Variants in SNTG1 observed in about 807,000 individuals in gnomAD.
The protein encoded by SNTG1 is gamma-1-syntrophin.
In SNTG1, 39 loss-of-function variants were observed where a neutral mutation model predicts 74.7. The observed-to-expected ratio is 0.52, with a 90% CI of 0.40 to 0.68. The LOEUF is 0.68. Ranked by LOEUF, SNTG1 falls within the 30% of genes least tolerant of loss-of-function variation. The pLI is 0.00. For synonymous variants in SNTG1, 254 were observed against 217.1 expected (o/e 1.17, Z -1.49); for missense variants, 685 against 609.5 (o/e 1.12, Z -1.30).
At chr8:50,531,584 A>G (rs2130335878) in intron 10 of SNTG1, among the ~76,000 whole-genome samples, 1 of 152,246 alleles carries the variant, frequency 6.6e-6, no homozygotes, top group East Asian at 1.9e-4. Flanking sequence ...ACCTGCCCTC[A>G]GTAGCTGGAG....
intron 2 of SNTG1, among the ~76,000 whole-genome samples, chr8:50,366,912 G>C (rs1403162664): frequency 6.9e-6 from 1 of 145,300 alleles, no homozygotes; most frequent in Non-Finnish European, 1.5e-5. Flanking sequence ...ATATAATATA[G>C]TATAGGTCTA....
rs556191344 is a variant in SNTG1 at position 50,763,888 on chromosome 8, CACACACACACACACACACAA to C, written c.1395+11779_1395+11798del. ...ACACACACACACACACACACACACA[CACACACACACACACACACAA>C]AAATAACCAAGGCAATTCCTATACA... On this transcript the variant is annotated intron_variant, in intron 18 of 18. Coordinates refer to ENST00000642720, the MANE Select transcript of SNTG1 (RefSeq NM_018967.5). Among the ~76,000 whole-genome samples, 448 of 118,758 alleles carry C rather than the reference CACACACACACACACACACAA, an allele frequency of 3.8e-3. 10 individuals are homozygous for C. Among genetic ancestry groups the C allele is most frequent in the African/African-American group, 0.017 (416 of 24,716 alleles). The allele number at this position is 118,758 out of a possible 152,430, so 77.9% of individuals were successfully genotyped here.
chr8:50,032,440 A>G (rs1366423388), intron 1 of SNTG1, among the ~76,000 whole-genome samples: 1 of 152,024 alleles, frequency 6.6e-6, no homozygotes, highest in African/African-American at 2.4e-5. Context: ...TATAGTTTAG[A>G]AAACAGCACT....
At chr8:50,291,003 A>C (rs544491817) in intron 2 of SNTG1, among the ~76,000 whole-genome samples, 1 of 152,116 alleles carries the variant, frequency 6.6e-6, no homozygotes, top group African/African-American at 2.4e-5. Context: ...AGCGATGCCT[A>C]TCTCGGCCTC....
intron 12 of SNTG1, among the ~76,000 whole-genome samples, chr8:50,589,615 T>C (rs2094678938): frequency 6.6e-6 from 1 of 151,946 alleles, no homozygotes. Flanking sequence ...CATTGCAGTT[T>C]ACGAAGCTAC....
At chr8:50,438,407 T>A in intron 4 of SNTG1, 136 bp from the exon 5 acceptor site, 2 of 648,286 alleles carry the variant, frequency 3.1e-6, no homozygotes, top group Non-Finnish European at 5.5e-6. Context: ...GGAGGCACTA[T>A]CCCAGCACAG....
At chr8:50,309,337 C>A (rs1011726260) in intron 2 of SNTG1, among the ~76,000 whole-genome samples, 1 of 136,048 alleles carries the variant, frequency 7.4e-6, no homozygotes, top group Non-Finnish European at 1.6e-5. Context: ...ATTAAATAGA[C>A]TTTGCCTCTT....
At chr8:50,197,568 G>C (rs1362237916) in intron 2 of SNTG1, among the ~76,000 whole-genome samples, 2 of 152,120 alleles carry the variant, frequency 1.3e-5, no homozygotes, top group Non-Finnish European at 2.9e-5. Context: ...ACTTTCCCTT[G>C]TGTGAGAATA....
At chr8:49,993,154 G>A (rs560137999) in intron 1 of SNTG1, among the ~76,000 whole-genome samples, 9 of 152,074 alleles carry the variant, frequency 5.9e-5, no homozygotes, top group Non-Finnish European at 7.4e-5. Context: ...CAAAAGGTGG[G>A]AATAAGACTT....
Position 50,246,677 on chromosome 8 carries a change from C to T in SNTG1, c.-28+74042C>T, listed in dbSNP as rs549667181. Among the ~76,000 whole-genome samples the T allele has an allele frequency of 3.7e-4, 57 of 152,098 alleles. 1 individual carries two copies. The highest frequency in any genetic ancestry group is 5.9e-4 in the Admixed American group (9 of 15,254). ...GGTGAAGAAGGGCTCTTTGGTGAAG[C>T]TTTCTTGGGTATTTTTCTTCTAAAG... On this transcript the variant is annotated intron_variant, in intron 2 of 18. Coordinates refer to ENST00000642720, the MANE Select transcript of SNTG1 (RefSeq NM_018967.5).
intron 1 of SNTG1, among the ~76,000 whole-genome samples, chr8:50,070,169 G>A (rs1296503118): frequency 6.6e-6 from 1 of 152,126 alleles, no homozygotes; most frequent in Non-Finnish European, 1.5e-5. Context: ...ATTTTGAGAA[G>A]AAGAACATGT....
intron 11 of SNTG1, among the ~76,000 whole-genome samples, chr8:50,549,375 C>T (rs2094410022): frequency 6.6e-6 from 1 of 152,068 alleles, no homozygotes; most frequent in Admixed American, 6.6e-5. Context: ...CAATAACATC[C>T]CCCTACCAAT....
chr8:50,596,849 C>A (rs1010728177), intron 13 of SNTG1, among the ~76,000 whole-genome samples: 1 of 151,980 alleles, frequency 6.6e-6, no homozygotes, highest in African/African-American at 2.4e-5. Flanking sequence ...CATATATACA[C>A]TGTATAATGA....
intron 9 of SNTG1, among the ~76,000 whole-genome samples, chr8:50,526,830 G>T (rs948338094): frequency 6.6e-6 from 1 of 151,878 alleles, no homozygotes; most frequent in African/African-American, 2.4e-5. Context: ...CACCATGTTG[G>T]CCAGGATGGT....
chr8:50,475,120 G>A (rs1331512795), intron 8 of SNTG1, among the ~76,000 whole-genome samples: 1 of 151,536 alleles, frequency 6.6e-6, no homozygotes, highest in Non-Finnish European at 1.5e-5. Flanking sequence ...CAGATATACT[G>A]AATGCTAAAT....
At chr8:50,064,992 G>C (rs542835291) in intron 1 of SNTG1, among the ~76,000 whole-genome samples, 68 of 152,200 alleles carry the variant, frequency 4.5e-4, no homozygotes, top group African/African-American at 1.6e-3. Context: ...AAGTGCTTAG[G>C]ACCGTGATTG....
intron 13 of SNTG1, among the ~76,000 whole-genome samples, chr8:50,626,443 G>A (rs2094956854): frequency 6.6e-6 from 1 of 152,214 alleles, no homozygotes; most frequent in Non-Finnish European, 1.5e-5. Flanking sequence ...AATATAGCAT[G>A]TGGAGTGGGA....
At chr8:49,980,316 C>T (rs535979736) in intron 1 of SNTG1, among the ~76,000 whole-genome samples, 2 of 152,086 alleles carry the variant, frequency 1.3e-5, no homozygotes, top group South Asian at 4.1e-4. Context: ...CCATTCTCCT[C>T]TCTGCTTGCT....
intron 17 of SNTG1, among the ~76,000 whole-genome samples, chr8:50,732,288 C>G (rs2095514731): frequency 6.6e-6 from 1 of 151,796 alleles, no homozygotes; most frequent in Non-Finnish European, 1.5e-5. Flanking sequence ...TATAGTTAAG[C>G]CAAGCTAAAA....
Sources: gnomAD v4.1 joint callset for allele counts (sites outside exome capture counted in the v4.1 genomes callset) on GRCh38, gnomAD v4.1.1 for gene constraint, MANE v1.5 for transcripts, NCBI Gene and HGNC (gene_info 2026-07-23, HGNC 2026-07-21) for gene names.